The following KCNMB2 variants were observed in gnomAD, a reference collection of about 807,000 sequenced individuals.
KCNMB2 encodes the protein potassium calcium-activated channel subfamily M regulatory beta subunit 2, also known as calcium-activated potassium channel subunit beta-2.
A neutral mutation model predicts 24.5 loss-of-function variants in KCNMB2; 9 were observed. The ratio of observed to expected loss-of-function variants is 0.37; its 90% CI spans 0.22 to 0.64. The LOEUF is 0.64. Among genes scored for constraint, KCNMB2 ranks in the 30% least tolerant of loss-of-function variants. The pLI is 0.63. For missense variants in KCNMB2, 226 were observed against 284.3 expected (o/e 0.79, Z 1.47); for synonymous variants, 109 against 104.4 (o/e 1.04, Z -0.27).
chr3:178,782,462 G>T (rs1712897613), intron 1 of KCNMB2, among the ~76,000 whole-genome samples: 1 of 151,966 alleles, frequency 6.6e-6, no homozygotes, highest in South Asian at 2.1e-4. Context: ...GTTGTTTCCA[G>T]ACTTTTTAAT....
chr3:178,599,682 C>T (rs1246042147), intron 1 of KCNMB2, among the ~76,000 whole-genome samples: 1 of 152,124 alleles, frequency 6.6e-6, no homozygotes, highest in Non-Finnish European at 1.5e-5. Flanking sequence ...TAAGCACATT[C>T]ACATTGTCGT....
intron 1 of KCNMB2, among the ~76,000 whole-genome samples, chr3:178,798,895 GA>G (rs1713662441): frequency 6.9e-6 from 1 of 143,962 alleles, no homozygotes; most frequent in Admixed American, 6.9e-5. Context: ...TTAAAATTAA[GA>G]AAAAAAAAGA....
chr3:178,815,070 T>C (rs1489558191), intron 2 of KCNMB2, among the ~76,000 whole-genome samples: 1 of 152,192 alleles, frequency 6.6e-6, no homozygotes, highest in South Asian at 2.1e-4. Flanking sequence ...TTTGCTAATA[T>C]ATAAAAAGGC....
intron 1 of KCNMB2, among the ~76,000 whole-genome samples, chr3:178,575,311 G>A (rs545209832): frequency 3.9e-5 from 6 of 152,124 alleles, no homozygotes; most frequent in Admixed American, 6.6e-5. Context: ...TGGGGTAGGG[G>A]GTTATGTCAC....
At chr3:178,743,561 T>C (rs1486373609) in intron 1 of KCNMB2, among the ~76,000 whole-genome samples, 3 of 152,224 alleles carry the variant, frequency 2.0e-5, no homozygotes, top group Non-Finnish European at 2.9e-5. Flanking sequence ...CAAATGGACC[T>C]GGTCAGAAAG....
intron 1 of KCNMB2, among the ~76,000 whole-genome samples, chr3:178,716,189 T>C (rs1327713818): frequency 6.6e-6 from 1 of 152,260 alleles, no homozygotes; most frequent in African/African-American, 2.4e-5. Context: ...CCATATTTGA[T>C]ATTTCTGAAT....
At chr3:178,635,730 C>T (rs1435356553) in intron 1 of KCNMB2, among the ~76,000 whole-genome samples, 2 of 152,178 alleles carry the variant, frequency 1.3e-5, no homozygotes, top group Non-Finnish European at 2.9e-5. Flanking sequence ...TCTTCACATA[C>T]TAATCATTCA....
chr3:178,620,882 G>A (rs1718898251), intron 1 of KCNMB2, among the ~76,000 whole-genome samples: 1 of 152,200 alleles, frequency 6.6e-6, no homozygotes, highest in Admixed American at 6.5e-5. Flanking sequence ...GAAGGACAGA[G>A]CAAAATTAGT....
At chr3:178,689,921 T>G (rs887672818) in intron 1 of KCNMB2, among the ~76,000 whole-genome samples, 2 of 152,148 alleles carry the variant, frequency 1.3e-5, no homozygotes, top group Non-Finnish European at 2.9e-5. Context: ...TGTTTTCTTC[T>G]CCAGACAAAG....
chr3:178,697,353 T>C (rs180672816), intron 1 of KCNMB2, among the ~76,000 whole-genome samples: 3 of 152,370 alleles, frequency 2.0e-5, no homozygotes, highest in East Asian at 1.9e-4. Flanking sequence ...TTTACCATTA[T>C]GTAATGCCCT....
chr3:178,588,930 C>A (rs1717559885), intron 1 of KCNMB2, among the ~76,000 whole-genome samples: 1 of 152,174 alleles, frequency 6.6e-6, no homozygotes, highest in Admixed American at 6.6e-5. Flanking sequence ...AGAGAAAGTG[C>A]TCAACAGCTA....
At chr3:178,630,070 G>T (rs887343800) in intron 1 of KCNMB2, among the ~76,000 whole-genome samples, 2 of 152,172 alleles carry the variant, frequency 1.3e-5, no homozygotes, top group African/African-American at 4.8e-5. Flanking sequence ...CTGCCCCAGT[G>T]TCCACCATAT....
intron 1 of KCNMB2, among the ~76,000 whole-genome samples, chr3:178,784,285 G>T (rs140764944): frequency 3.5e-4 from 54 of 152,246 alleles, no homozygotes; most frequent in African/African-American, 1.2e-3. Context: ...CATTTTTACA[G>T]ATAAGGACAT....
chr3:178,688,362 T>C (rs1174798541), intron 1 of KCNMB2, among the ~76,000 whole-genome samples: 2 of 152,188 alleles, frequency 1.3e-5, no homozygotes, highest in Non-Finnish European at 2.9e-5. Context: ...TCAAATCTTA[T>C]TGATTTAATG....
chr3:178,758,526 G>GTGTA (rs1553774706), intron 1 of KCNMB2, among the ~76,000 whole-genome samples: 2 of 12,590 alleles, frequency 1.6e-4, no homozygotes, highest in African/African-American at 5.4e-4. Flanking sequence ...AAGAGGAGAT[G>GTGTA]TATATATATA....
intron 2 of KCNMB2, among the ~76,000 whole-genome samples, chr3:178,819,634 T>C (rs1714548982): frequency 6.6e-6 from 1 of 152,130 alleles, no homozygotes; most frequent in African/African-American, 2.4e-5. Flanking sequence ...ATTCTTCTTT[T>C]CAGCTTAGCA....
intron 1 of KCNMB2, among the ~76,000 whole-genome samples, chr3:178,607,023 A>C (rs1718297094): frequency 6.6e-6 from 1 of 152,218 alleles, no homozygotes; most frequent in South Asian, 2.1e-4. Context: ...GTGAGAAATA[A>C]ATTTCTGCTG....
At chr3:178,765,876 T>A (rs1712097189) in intron 1 of KCNMB2, among the ~76,000 whole-genome samples, 1 of 152,204 alleles carries the variant, frequency 6.6e-6, no homozygotes, top group South Asian at 2.1e-4. Flanking sequence ...GCCTTTGCTC[T>A]TACTTCTACC....
chr3:178,707,374 C>T (rs748807290), intron 1 of KCNMB2, among the ~76,000 whole-genome samples: 1 of 152,140 alleles, frequency 6.6e-6, no homozygotes, highest in Non-Finnish European at 1.5e-5. Flanking sequence ...CATGCCAGCA[C>T]TACTACTTGG....
Sources: gnomAD v4.1 joint callset for allele counts (sites outside exome capture counted in the v4.1 genomes callset) on GRCh38, gnomAD v4.1.1 for gene constraint, MANE v1.5 for transcripts, NCBI Gene and HGNC (gene_info 2026-07-23, HGNC 2026-07-21) for gene names.